MATN4: variants seen among roughly 807,000 people sequenced by gnomAD.
MATN4 encodes matrilin-4.
In MATN4, 40 loss-of-function variants were observed where a neutral mutation model predicts 54.6. The ratio of observed to expected loss-of-function variants is 0.73; its 90% CI spans 0.57 to 0.95. MATN4 has a LOEUF of 0.95. Ranked by LOEUF, MATN4 falls within the 40% of genes least tolerant of loss-of-function variation. The pLI is 0.00. For synonymous variants in MATN4, 351 were observed against 345.3 expected (o/e 1.02, Z -0.18); for missense variants, 810 against 819.1 (o/e 0.99, Z 0.13).
chr20:45,304,859 CT>C (rs1986483791), intron 2 of MATN4, 62 bp from the exon 3 acceptor site: 6 of 1,113,206 alleles, frequency 5.4e-6, no homozygotes, highest in Non-Finnish European at 7.6e-6. Context: ...AGGAGACCCC[CT>C]AGGAAACCCA....
At chr20:45,296,214 CAAAAAAAAAA>C (rs71181820) in intron 8 of MATN4, among the ~76,000 whole-genome samples, 3 of 35,480 alleles carry the variant, frequency 8.5e-5, no homozygotes, top group Admixed American at 4.1e-4. Context: ...GACTCCATCT[CAAAAAAAAAA>C]AAAAAAAAAA....
rs560771442 is a variant in MATN4, at chr20:45,304,428, C to T, written c.443G>A (p.Gly148Glu). The T allele has an allele frequency of 6.5e-7, 1 of 1,531,882 alleles. No individual in the cohort carries two copies. Among genetic ancestry groups the T allele is most frequent in the Admixed American group, 2.0e-5 (1 of 49,652 alleles). 94.9% of individuals were successfully genotyped at this position (1,531,882 alleles called of 1,614,324 possible). ...CTCGGCCACGCGGTCCTGGGGCCGC[C>T]CGTCTGTCACGATGACAGCGACACG... Reference protein sequence around the residue: ...VPRVAVIVTDGRPQDRVAEVA... With the variant: ...VPRVAVIVTDERPQDRVAEVA... Residue 148 changes from glycine (G) to glutamate (E), a missense_variant, in exon 3 of 10, where the codon GGG (glycine) becomes GAG (glutamate). Coordinates refer to ENST00000372756, the MANE Select transcript of MATN4 (RefSeq NM_001393530.1).
Position 45,308,262 on chromosome 20 carries a change from C to T in MATN4, c.-122G>A, listed in dbSNP as rs6104110. 2,473 of 1,569,302 alleles carry T rather than the reference C, an allele frequency of 1.6e-3. 21 individuals carry two copies. The African/African-American group carries it at 0.027, about 17-fold the overall frequency. ...GGGCACTTGGACCAGGTAACGGCGG[C>T]GTGGCAGCGTGCCCTAGGTGGGGAC... On this transcript the variant is annotated 5_prime_UTR_variant, in exon 1 of 10. Coordinates refer to ENST00000372756, the MANE Select transcript of MATN4 (RefSeq NM_001393530.1).
At chr20:45,303,406 T>C in intron 3 of MATN4, 1 of 716,852 alleles carries the variant, frequency 1.4e-6, no homozygotes, top group Non-Finnish European at 2.6e-6. Context: ...GCTCTTGTTA[T>C]CTGCTGCTAG....
intron 1 of MATN4, 62 bp downstream of exon 1, chr20:45,308,113 T>C: frequency 6.5e-7 from 1 of 1,527,434 alleles, no homozygotes; most frequent in Non-Finnish European, 9.1e-7. Context: ...TACACTCGCC[T>C]GACCTGGCTT....
intron 1 of MATN4, 88 bp from the exon 2 acceptor site, chr20:45,305,704 C>A: frequency 3.5e-6 from 2 of 564,958 alleles, no homozygotes; most frequent in South Asian, 2.3e-5. Context: ...AAGACAGTTA[C>A]AGGTTTATTT....
chr20:45,302,007 C>G (rs748919551), intron 3 of MATN4, among the ~76,000 whole-genome samples: 3 of 151,910 alleles, frequency 2.0e-5, no homozygotes, highest in African/African-American at 7.3e-5. Flanking sequence ...ATGAGTTTTT[C>G]GTGTGTGTGT....
intron 3 of MATN4, 107 bp from the exon 4 acceptor site, chr20:45,301,550 C>G (rs1001325171): frequency 1.2e-4 from 140 of 1,211,446 alleles, no homozygotes; most frequent in Non-Finnish European, 1.5e-4. Context: ...GGCCCCAACC[C>G]CAAAAATCCT....
Position 45,300,976 on chromosome 20 carries a change from C to T in MATN4, c.923G>A (p.Cys308Tyr), listed in dbSNP as rs772387961. The change falls in exon 6 of 10, where the codon TGT becomes TAT. Residue 308 changes from cysteine (C) to tyrosine (Y), a missense_variant. Physicochemically the swap from Cys to Tyr is radical, Grantham distance 194. Transcript: ENST00000372756. ...RDLCNGVDHGCEFQCVSEGLS... is the reference protein window; with the variant it reads ...RDLCNGVDHGYEFQCVSEGLS... ...GCCCTCGCTCACACACTGGAACTCA[C>T]AGCCATGGTCCACGCCATTGCAAAG... is the stretch of plus-strand genomic sequence containing the variant. 5.6e-6 allele frequency: 9 copies of T among 1,614,042 alleles called. No homozygotes were observed. In the African/African-American group the frequency reaches 1.1e-4, roughly 19 times the overall value.
rs573122430 is a variant in MATN4, at chr20:45,293,875, C to T, written c.1687+33G>A. 19 of 1,607,406 alleles carry T rather than the reference C, an allele frequency of 1.2e-5. No individual in the cohort carries two copies. The Admixed American group carries it at 2.3e-4, about 20-fold the overall frequency. On this transcript the variant is annotated intron_variant, in intron 9 of 9. Transcript: ENST00000372756. ...GGTTCGCCGAGGTCCCTTCACTTTC[C>T]CTCCAGCCCGCGCCACCAGCCCCAA... is the stretch of plus-strand genomic sequence containing the variant.
At position 45,301,302 on chromosome 20, in the gene MATN4, G is replaced by T. The variant is rs1234846033; in HGVS notation, c.766+19C>A. On this transcript the variant is annotated intron_variant, in intron 4 of 9. Transcript: ENST00000372756. ...GGCCACAGTCCAGGGTGTGGTGGGA[G>T]GGTGGGGGTGTTGCTCACCCCTGCA... The T allele has an allele frequency of 1.9e-6, 3 of 1,613,930 alleles. No homozygotes were observed. The highest frequency in any genetic ancestry group is 8.5e-7 in the Non-Finnish European group (1 of 1,179,974).
At chr20:45,303,603 C>A in intron 3 of MATN4, 1 of 630,050 alleles carries the variant, frequency 1.6e-6, no homozygotes, top group South Asian at 1.8e-5. Context: ...CAGAGGCAGG[C>A]ATCACCCTCA....
chr20:45,301,803 C>G lies in MATN4; in HGVS notation c.644-360G>C, dbSNP rs940340912. ...CTGGACTGGAGAGAAGATAATTACCCTGTATAAAAAAGTGAGTATTTGGGG... is the reference window on the plus strand; with the variant it reads ...CTGGACTGGAGAGAAGATAATTACCGTGTATAAAAAAGTGAGTATTTGGGG... On this transcript the variant is annotated intron_variant, in intron 3 of 9. Coordinates refer to ENST00000372756, the MANE Select transcript of MATN4 (RefSeq NM_001393530.1). 5.4e-4 allele frequency among the ~76,000 whole-genome samples: 82 copies of G among 151,130 alleles called. No homozygotes were observed. In the Middle Eastern group the frequency reaches 0.01, roughly 19 times the overall value.
rs994485398 is a variant in MATN4, at chr20:45,293,754, C to T, written c.*13G>A. ...TGCCGCGCCCCAGCCCGGGTCTGGG[C>T]CGTCCGTGGCCCTCACTTCTGGTTG... On this transcript the variant is annotated 3_prime_UTR_variant, in exon 10 of 10. Transcript: ENST00000372756. The T allele has an allele frequency of 1.7e-5, 28 of 1,601,482 alleles. No homozygotes were observed. In the East Asian group the frequency reaches 5.8e-4, roughly 33 times the overall value.
intron 8 of MATN4, among the ~76,000 whole-genome samples, chr20:45,297,369 CTT>C (rs1156956075): frequency 1.3e-5 from 2 of 151,834 alleles, no homozygotes; most frequent in Non-Finnish European, 2.9e-5. Context: ...GAGTCAGTCT[CTT>C]TTTCCTCAGC....
chr20:45,304,735 G>A lies in MATN4; in HGVS notation c.136C>T (p.Arg46Cys), dbSNP rs777614899. 2 of 1,609,706 alleles carry A rather than the reference G, an allele frequency of 1.2e-6. No individual in the cohort carries two copies. Among genetic ancestry groups the A allele is most frequent in the Non-Finnish European group, 1.7e-6 (2 of 1,177,292 alleles). ...CGCATGGTCTCGAACTCGAAAGGGC[G>A]CACGCTGCGGGAGCTGTCAATCACG... ...VFVIDSSRSV[R>C]PFEFETMRQF... Residue 46 changes from arginine (R) to cysteine (C), a missense_variant, in exon 3 of 10, where the codon CGC becomes TGC. By Grantham distance (180) the Arg-to-Cys change is radical. Transcript: ENST00000372756.
In MATN4 at chr20:45,304,715, G is replaced by A; in HGVS notation, c.156C>T (p.Thr52=). ...SRSVRPFEFE[T]MRQFLMGLLR... Reference sequence around the variant, plus strand: ...GGAGGCCCATGAGGAACTGCCGCATGGTCTCGAACTCGAAAGGGCGCACGC... The same window carrying A: ...GGAGGCCCATGAGGAACTGCCGCATAGTCTCGAACTCGAAAGGGCGCACGC... Residue 52 remains threonine (T), a synonymous_variant, in exon 3 of 10, where the codon ACC becomes ACT. Transcript: ENST00000372756. The A allele has an allele frequency of 6.2e-7, 1 of 1,611,810 alleles. No homozygotes were observed. Among genetic ancestry groups the A allele is most frequent in the Non-Finnish European group, 8.5e-7 (1 of 1,178,568 alleles).
At chr20:45,304,820 T>G in intron 2 of MATN4, 23 bp from the exon 3 acceptor site, 1 of 1,487,774 alleles carries the variant, frequency 6.7e-7, no homozygotes, top group Non-Finnish European at 9.1e-7. Flanking sequence ...CAGGGAGGAC[T>G]CTCCTAGGTC....
intron 3 of MATN4, 79 bp from the exon 4 acceptor site, chr20:45,301,522 A>G (rs1213980030): frequency 4.1e-6 from 6 of 1,471,850 alleles, no homozygotes; most frequent in Non-Finnish European, 5.5e-6. Flanking sequence ...AGGAAATTTT[A>G]AAGAATACCT....
Sources: allele counts gnomAD v4.1 joint callset (sites outside exome capture counted in the v4.1 genomes callset), GRCh38; gene constraint gnomAD v4.1.1; transcripts MANE v1.5; gene names NCBI Gene and HGNC (gene_info 2026-07-23, HGNC 2026-07-21).